The following GCNT2 variants were observed in gnomAD, a reference collection of about 807,000 sequenced individuals.
The protein encoded by GCNT2 is glucosaminyl (N-acetyl) transferase 2 (I blood group).
In GCNT2, 34 loss-of-function variants were observed where a neutral mutation model predicts 34.2. That is an observed-to-expected ratio of 1.00 (90% confidence interval 0.76 to 1.32). GCNT2 has a LOEUF of 1.32. GCNT2 is among the 40% of genes most tolerant of loss of function. The probability of loss-of-function intolerance (pLI) is 0.00; values close to 1 mark genes in which losing one functional copy is unlikely to be tolerated. For missense variants in GCNT2, 584 were observed against 489.4 expected (o/e 1.19, Z -1.82); for synonymous variants, 212 against 188.0 (o/e 1.13, Z -1.04).
chr6:10,569,593 T>C (rs1763446260), intron 3 of GCNT2, among the ~76,000 whole-genome samples: 1 of 152,252 alleles, frequency 6.6e-6, no homozygotes, highest in Non-Finnish European at 1.5e-5. Flanking sequence ...CTGCTTATTT[T>C]GGGAATGCTT....
At chr6:10,573,095 C>T in intron 3 of GCNT2, 1 of 707,374 alleles carries the variant, frequency 1.4e-6, no homozygotes, top group Non-Finnish European at 1.7e-6. Context: ...CTGCCTATCT[C>T]TATTTTAAGA....
chr6:10,557,014 C>T (rs756141442), intron 3 of GCNT2: 38 of 1,613,424 alleles, frequency 2.4e-5, no homozygotes, highest in Admixed American at 1.0e-4. Context: ...CCCTGAAAAC[C>T]AACAAGGAAA....
chr6:10,615,372 T>A (rs568531796), intron 3 of GCNT2, among the ~76,000 whole-genome samples: 5 of 152,318 alleles, frequency 3.3e-5, no homozygotes, highest in Non-Finnish European at 7.4e-5. Flanking sequence ...TAAAGTGCAG[T>A]GGCCTGATTT....
At chr6:10,617,532 C>T (rs1222141133) in intron 3 of GCNT2, among the ~76,000 whole-genome samples, 1 of 152,192 alleles carries the variant, frequency 6.6e-6, no homozygotes, top group Non-Finnish European at 1.5e-5. Flanking sequence ...GAGGAGGTGC[C>T]GAGAGCGAGC....
intron 1 of GCNT2, 143 bp downstream of exon 1, chr6:10,521,560 A>G (rs776361544): frequency 1.3e-5 from 2 of 152,202 alleles, no homozygotes; most frequent in African/African-American, 4.8e-5. Flanking sequence ...TGGATGTTTT[A>G]TATTTCCAGA....
At chr6:10,543,114 G>T (rs1235460736) in intron 3 of GCNT2, among the ~76,000 whole-genome samples, 1 of 150,272 alleles carries the variant, frequency 6.7e-6, no homozygotes, top group Admixed American at 6.7e-5. Context: ...CACCATGTTG[G>T]CTAGGCTGGT....
rs746183536 is a variant in GCNT2, at chr6:10,586,375, A to G, written c.926-34976A>G. ...CAAAATGTCTACTGTGTTCACGTGGATGAGAAAGCCCCAGCTGAGTATAAG... is the reference window on the plus strand; with the variant it reads ...CAAAATGTCTACTGTGTTCACGTGGGTGAGAAAGCCCCAGCTGAGTATAAG... On this transcript the variant is annotated intron_variant, in intron 3 of 4. Coordinates refer to ENST00000495262, the MANE Select transcript of GCNT2 (RefSeq NM_145649.5). The G allele has an allele frequency of 5.6e-6, 9 of 1,614,026 alleles. No individual in the cohort carries two copies. The highest frequency in any genetic ancestry group is 7.6e-6 in the Non-Finnish European group (9 of 1,180,002).
chr6:10,526,842 G>A (rs554121542), intron 1 of GCNT2, among the ~76,000 whole-genome samples: 1 of 152,278 alleles, frequency 6.6e-6, no homozygotes, highest in Non-Finnish European at 1.5e-5. Flanking sequence ...TGAGCCAGGT[G>A]CAGTGGCTCA....
intron 3 of GCNT2, among the ~76,000 whole-genome samples, chr6:10,605,213 T>C (rs933513851): frequency 3.0e-5 from 4 of 132,088 alleles, no homozygotes; most frequent in African/African-American, 1.1e-4. Flanking sequence ...TAGGAATTTT[T>C]TTTTTTTTTT....
intron 3 of GCNT2, among the ~76,000 whole-genome samples, chr6:10,549,561 C>CTTTTTTTTTT (rs1425642393): frequency 4.5e-5 from 5 of 111,298 alleles, no homozygotes; most frequent in African/African-American, 2.1e-4. Flanking sequence ...CAATCTCTCT[C>CTTTTTTTTTT]TCTTTTTTTT....
At chr6:10,598,763 G>A (rs1015109242) in intron 3 of GCNT2, among the ~76,000 whole-genome samples, 1 of 152,122 alleles carries the variant, frequency 6.6e-6, no homozygotes, top group Non-Finnish European at 1.5e-5. Flanking sequence ...GGAGGGAAGG[G>A]GCCCTCTGGA....
chr6:10,622,110 C>T (rs2127445388), intron 4 of GCNT2, among the ~76,000 whole-genome samples: 1 of 152,318 alleles, frequency 6.6e-6, no homozygotes, highest in South Asian at 2.1e-4. Flanking sequence ...TGGCAGGTTA[C>T]ACTAGCAAGA....
At chr6:10,581,320 G>A (rs1764060259) in intron 3 of GCNT2, among the ~76,000 whole-genome samples, 1 of 151,872 alleles carries the variant, frequency 6.6e-6, no homozygotes, top group Non-Finnish European at 1.5e-5. Flanking sequence ...GCCCAGGCTG[G>A]AGTGCAATGG....
At chr6:10,616,280 G>A (rs2127439908) in intron 3 of GCNT2, among the ~76,000 whole-genome samples, 1 of 152,350 alleles carries the variant, frequency 6.6e-6, no homozygotes, top group Middle Eastern at 3.4e-3. Flanking sequence ...GACCTTCGTG[G>A]TGAGTGTTAC....
rs1309308605 is a variant in GCNT2 at position 10,529,694 on chromosome 6, C to T, written c.783C>T (p.Tyr261=). The T allele has an allele frequency of 6.8e-6, 11 of 1,614,020 alleles. No homozygotes were observed. The highest frequency in any genetic ancestry group is 9.3e-6 in the Non-Finnish European group (11 of 1,180,020). ...CTCCTCCTCATGACATGGTGATTTA[C>T]TTTGGCACGGCCTACGTGGCTCTCA... is the stretch of plus-strand genomic sequence containing the variant. ...KTPPPHDMVI[Y]FGTAYVALTR... is the part of the protein sequence containing the mutation. The change falls in exon 3 of 5, where the codon TAC becomes TAT. Residue 261 remains tyrosine, a synonymous_variant. Coordinates refer to ENST00000495262, the MANE Select transcript of GCNT2 (RefSeq NM_145649.5).
In GCNT2 at chr6:10,529,263, TA is replaced by T; in HGVS notation, c.353del (p.Tyr118LeufsTer23). On this transcript the variant is annotated frameshift_variant, in exon 3 of 5. Transcript: ENST00000495262. LOFTEE classifies it high-confidence loss of function. The stretch of plus-strand genomic sequence containing the variant: ...TTTTGAGAGGCTCTTCAGGGCGATT[TA>T]TATGCCCCAAAATGTCTACTGTGTG... Reference protein sequence around the residue: ...GTFERLFRAIYMPQNVYCVHL... With the variant: ...GTFERLFRAIXMPQNVYCVHL... The T allele has an allele frequency of 6.2e-7, 1 of 1,614,152 alleles. No homozygotes were observed. The highest frequency in any genetic ancestry group is 1.1e-5 in the South Asian group (1 of 91,078).
At chr6:10,620,562 C>T (rs1405496587) in intron 3 of GCNT2, among the ~76,000 whole-genome samples, 3 of 151,978 alleles carry the variant, frequency 2.0e-5, no homozygotes, top group African/African-American at 2.4e-5. Flanking sequence ...CACGTGCCAC[C>T]GCACTCAGCT....
chr6:10,603,985 G>A (rs6904389), intron 3 of GCNT2, among the ~76,000 whole-genome samples: 65,994 of 151,040 alleles, frequency 0.44, 16,373 homozygotes, highest in East Asian at 0.64. Flanking sequence ...AACCTCCGCC[G>A]CCCCGGTTCA....
In GCNT2 at chr6:10,528,978, G is replaced by A; in HGVS notation, c.67G>A (p.Val23Ile). The A allele has an allele frequency of 3.7e-6, 6 of 1,613,886 alleles. No individual in the cohort carries two copies. Among genetic ancestry groups the A allele is most frequent in the Non-Finnish European group, 5.1e-6 (6 of 1,179,840 alleles). Residue 23 changes from valine to isoleucine, a missense_variant, in exon 3 of 5, where the codon GTT becomes ATT. Physicochemically the swap from Val to Ile is conservative, Grantham distance 29. Transcript: ENST00000495262. ...TATCTCTGCCCTGATTTTTGTATTT[G>A]TTTACAATACTGAGTTATGGGAGAA... is the stretch of plus-strand genomic sequence containing the variant. Reference protein sequence around the residue: ...SLISALIFVFVYNTELWENKR... With the variant: ...SLISALIFVFIYNTELWENKR...
Sources: allele counts gnomAD v4.1 joint callset (sites outside exome capture counted in the v4.1 genomes callset), GRCh38; gene constraint gnomAD v4.1.1; transcripts MANE v1.5; gene names NCBI Gene and HGNC (gene_info 2026-07-23, HGNC 2026-07-21).